CCDC171: variants seen among roughly 807,000 people sequenced by gnomAD.
CCDC171 encodes the protein coiled-coil domain-containing protein 171.
A neutral mutation model predicts 168.2 loss-of-function variants in CCDC171; 177 were observed. The observed-to-expected ratio is 1.05, with a 90% confidence interval of 0.93 to 1.19. The LOEUF is 1.19. CCDC171 is among the 50% of genes most tolerant of loss of function. The pLI, the probability that CCDC171 is intolerant of heterozygous loss-of-function variation, is 0.00. For missense variants in CCDC171, 1,991 were observed against 1,539.0 expected, an observed-to-expected ratio of 1.29 and a Z score of -4.91; for synonymous variants, 687 against 540.8, an observed-to-expected ratio of 1.27 and a Z score of -3.75.
chr9:16,044,826 T>C (rs2133061508), intron 1 of CCDC171, among the ~76,000 whole-genome samples: 1 of 152,284 alleles, frequency 6.6e-6, no homozygotes, highest in African/African-American at 2.4e-5. Context: ...TATTGCAGCC[T>C]GGGGTTGGAA....
intron 7 of CCDC171, among the ~76,000 whole-genome samples, chr9:15,633,186 C>G (rs945776361): frequency 7.2e-5 from 11 of 152,130 alleles, no homozygotes; most frequent in Non-Finnish European, 2.9e-5. Context: ...TCTAATTAAA[C>G]TAAAGAGCTC....
At chr9:15,706,395 TCCTC>T (rs2133958058) in intron 11 of CCDC171, among the ~76,000 whole-genome samples, 1 of 152,186 alleles carries the variant, frequency 6.6e-6, no homozygotes, top group East Asian at 1.9e-4. Flanking sequence ...GCTCAAGTGA[TCCTC>T]CCACCTCAGC....
chr9:15,631,827 C>T (rs1251976622), intron 7 of CCDC171, among the ~76,000 whole-genome samples: 1 of 152,186 alleles, frequency 6.6e-6, no homozygotes, highest in Non-Finnish European at 1.5e-5. Context: ...CCACCATGAT[C>T]AAGTGGGCTT....
chr9:16,022,195 G>T (rs1833186100), intron 4 of CCDC171: 1 of 152,196 alleles, frequency 6.6e-6, no homozygotes, highest in African/African-American at 2.4e-5. Flanking sequence ...AACCGACATT[G>T]AATCAAGAAA....
intron 21 of CCDC171, among the ~76,000 whole-genome samples, chr9:15,806,497 T>C (rs1251320005): frequency 1.3e-5 from 2 of 152,294 alleles, no homozygotes; most frequent in Non-Finnish European, 2.9e-5. Flanking sequence ...TTATGAAGCA[T>C]AGTTTGGCTG....
chr9:15,892,222 G>C (rs1306054777), intron 24 of CCDC171, among the ~76,000 whole-genome samples: 1 of 152,104 alleles, frequency 6.6e-6, no homozygotes, highest in Non-Finnish European at 1.5e-5. Context: ...GCCTTAGCCA[G>C]AACTTCCAAT....
At chr9:16,090,526 T>C in the CCDC171 span, among the ~76,000 whole-genome samples, 1 of 152,280 alleles carries the variant, frequency 6.6e-6, no homozygotes, top group Non-Finnish European at 1.5e-5. Context: ...GTAACAAACC[T>C]GCACGTTCTG....
intron 7 of CCDC171, 62 bp downstream of exon 7, chr9:15,623,475 G>GCGCGCGCGCACACACA: frequency 3.2e-4 from 100 of 315,446 alleles, no homozygotes; most frequent in East Asian, 2.2e-3. Flanking sequence ...GCGCGCGCGC[G>GCGCGCGCGCACACACA]CACACACACA....
chr9:15,649,847 C>G (rs1445998052), intron 7 of CCDC171, among the ~76,000 whole-genome samples: 3 of 152,206 alleles, frequency 2.0e-5, no homozygotes, highest in Admixed American at 6.5e-5. Flanking sequence ...GTGGCAATTC[C>G]TCAAGGATCT....
the CCDC171 span, among the ~76,000 whole-genome samples, chr9:16,078,294 A>G: frequency 1.3e-5 from 2 of 152,266 alleles, no homozygotes; most frequent in South Asian, 4.2e-4. Flanking sequence ...CAGAGCAGGA[A>G]CTCAGCCTCC....
At chr9:16,102,156 C>T in the CCDC171 span, among the ~76,000 whole-genome samples, 1 of 152,154 alleles carries the variant, frequency 6.6e-6, no homozygotes, top group East Asian at 1.9e-4. Context: ...GTAAAGGAAA[C>T]AGATGCACTG....
chr9:15,670,494 G>T (rs6474945), intron 9 of CCDC171, among the ~76,000 whole-genome samples: 70,157 of 151,792 alleles, frequency 0.46, 16,751 homozygotes, highest in East Asian at 0.77. Flanking sequence ...AAATCTTATT[G>T]CTGGTTCTTC....
intron 6 of CCDC171, among the ~76,000 whole-genome samples, chr9:15,597,190 G>A (rs1322212574): frequency 6.6e-6 from 1 of 152,038 alleles, no homozygotes; most frequent in Non-Finnish European, 1.5e-5. Context: ...ATGTTGAATG[G>A]GAGTAGTGAG....
intron 6 of CCDC171, among the ~76,000 whole-genome samples, chr9:15,607,068 A>G (rs1226138088): frequency 6.6e-6 from 1 of 152,232 alleles, no homozygotes; most frequent in African/African-American, 2.4e-5. Context: ...CTTGAGTGTT[A>G]CATTGCATCT....
At chr9:15,875,441 G>T (rs539171733) in intron 24 of CCDC171, 1 of 151,812 alleles carries the variant, frequency 6.6e-6, no homozygotes, top group African/African-American at 2.4e-5. Flanking sequence ...GAAATTCAGT[G>T]TGTCCTTTTA....
intron 3 of CCDC171, among the ~76,000 whole-genome samples, chr9:15,573,738 G>A (rs1012295769): frequency 6.6e-6 from 1 of 151,878 alleles, no homozygotes; most frequent in Admixed American, 6.6e-5. Context: ...GAGAGTATTA[G>A]TGTGATGATA....
intron 21 of CCDC171, among the ~76,000 whole-genome samples, chr9:15,830,090 A>G (rs1378428235): frequency 6.6e-6 from 1 of 152,224 alleles, no homozygotes; most frequent in Non-Finnish European, 1.5e-5. Context: ...AAGCAGTGAC[A>G]ACAACTGGTA....
chr9:15,959,734 A>G (rs1830161223), intron 25 of CCDC171, among the ~76,000 whole-genome samples: 2 of 152,146 alleles, frequency 1.3e-5, no homozygotes, highest in Non-Finnish European at 2.9e-5. Flanking sequence ...ATGGGCAGGC[A>G]CCCAGAGAAG....
At chr9:15,684,585 T>G (rs1033346515) in intron 10 of CCDC171, among the ~76,000 whole-genome samples, 10 of 152,112 alleles carry the variant, frequency 6.6e-5, no homozygotes, top group Admixed American at 5.2e-4. Flanking sequence ...TTTGTGGTAC[T>G]CATGTTGAGT....
Sources: gnomAD v4.1 joint callset for allele counts (sites outside exome capture counted in the v4.1 genomes callset) on GRCh38, gnomAD v4.1.1 for gene constraint, MANE v1.5 for transcripts, NCBI Gene and HGNC (gene_info 2026-07-23, HGNC 2026-07-21) for gene names.